RAB30: variants seen among roughly 807,000 people sequenced by gnomAD.
RAB30 encodes RAB30, member RAS oncogene family, also known as ras-related protein Rab-30.
In RAB30, 9 loss-of-function variants were observed where a neutral mutation model predicts 25.1. The ratio of observed to expected loss-of-function variants is 0.36; its 90% CI spans 0.22 to 0.63. The LOEUF (loss-of-function observed/expected upper bound fraction) is 0.63. Among genes scored for constraint, RAB30 ranks in the 20% least tolerant of loss-of-function variants. The pLI is 0.69. For synonymous variants in RAB30, 77 were observed against 86.4 expected (o/e 0.89, Z 0.60); for missense variants, 140 against 243.5 (o/e 0.58, Z 2.83).
At chr11:83,042,449 CG>C (rs1390129820) in intron 1 of RAB30, among the ~76,000 whole-genome samples, 3 of 150,056 alleles carry the variant, frequency 2.0e-5, no homozygotes, top group Non-Finnish European at 4.4e-5. Flanking sequence ...CCTAGCTACT[CG>C]GGAGGCTGAG....
At chr11:83,052,458 C>T (rs1402249429) in intron 1 of RAB30, among the ~76,000 whole-genome samples, 1 of 152,176 alleles carries the variant, frequency 6.6e-6, no homozygotes, top group Admixed American at 6.5e-5. Context: ...GAGACTTTTC[C>T]CCACTGCCAT....
At chr11:83,063,918 C>G (rs1389200475) in intron 1 of RAB30, among the ~76,000 whole-genome samples, 1 of 151,916 alleles carries the variant, frequency 6.6e-6, no homozygotes, top group African/African-American at 2.4e-5. Flanking sequence ...GGGGAAATGC[C>G]CAAAATATAT....
At chr11:83,010,312 G>T (rs541616551) in intron 1 of RAB30, among the ~76,000 whole-genome samples, 8 of 152,112 alleles carry the variant, frequency 5.3e-5, no homozygotes, top group Non-Finnish European at 1.2e-4. Context: ...TTAGCCAGGT[G>T]TGGTGTCATA....
chr11:83,044,296 T>G (rs1352751543), intron 1 of RAB30, among the ~76,000 whole-genome samples: 1 of 152,238 alleles, frequency 6.6e-6, no homozygotes, highest in East Asian at 1.9e-4. Flanking sequence ...AAAGCCTTCT[T>G]TATTTAATTT....
intron 4 of RAB30, among the ~76,000 whole-genome samples, chr11:82,984,423 T>C (rs1256617920): frequency 6.6e-6 from 1 of 152,186 alleles, no homozygotes; most frequent in Non-Finnish European, 1.5e-5. Context: ...GGTTGCGGAC[T>C]GGGTAGGAGG....
intron 1 of RAB30, among the ~76,000 whole-genome samples, chr11:83,047,176 C>T (rs894002786): frequency 4.6e-5 from 7 of 151,418 alleles, no homozygotes; most frequent in Non-Finnish European, 7.4e-5. Flanking sequence ...TAATAAATGC[C>T]CCCAGGGTGG....
chr11:83,005,474 T>A (rs1276963208), intron 1 of RAB30, among the ~76,000 whole-genome samples: 2 of 152,312 alleles, frequency 1.3e-5, no homozygotes, highest in African/African-American at 4.8e-5. Context: ...TCAGAGAGAT[T>A]AATTAGTTCA....
chr11:83,056,271 A>T (rs901960019), intron 1 of RAB30, among the ~76,000 whole-genome samples: 3 of 152,228 alleles, frequency 2.0e-5, no homozygotes, highest in African/African-American at 7.2e-5. Flanking sequence ...TTGAAATCAT[A>T]CAAAATGTGT....
At chr11:82,999,179 G>C (rs1052907188) in intron 1 of RAB30, among the ~76,000 whole-genome samples, 1 of 152,126 alleles carries the variant, frequency 6.6e-6, no homozygotes, top group Non-Finnish European at 1.5e-5. Flanking sequence ...ATTTCCATTT[G>C]TTTCTACAAG....
chr11:83,026,747 A>C (rs987542122), intron 1 of RAB30, among the ~76,000 whole-genome samples: 1 of 152,206 alleles, frequency 6.6e-6, no homozygotes, highest in Non-Finnish European at 1.5e-5. Flanking sequence ...TGTCACACTG[A>C]ACTACTGCAT....
At chr11:82,990,147 G>A (rs1430619221) in intron 3 of RAB30, among the ~76,000 whole-genome samples, 1 of 152,194 alleles carries the variant, frequency 6.6e-6, no homozygotes, top group Non-Finnish European at 1.5e-5. Context: ...CCTTCAGCAT[G>A]TGGCTACATT....
At chr11:83,054,248 T>A (rs1858412165) in intron 1 of RAB30, among the ~76,000 whole-genome samples, 1 of 152,212 alleles carries the variant, frequency 6.6e-6, no homozygotes, top group African/African-American at 2.4e-5. Context: ...AGTAGTTATC[T>A]CTATGTACAC....
chr11:83,068,066 G>A (rs1217602140), intron 1 of RAB30, among the ~76,000 whole-genome samples: 1 of 150,142 alleles, frequency 6.7e-6, no homozygotes, highest in Non-Finnish European at 1.5e-5. Flanking sequence ...GGAGGCTGCA[G>A]TGAGCTGTGA....
chr11:82,990,149 G>C (rs1434989963), intron 3 of RAB30, among the ~76,000 whole-genome samples: 1 of 152,174 alleles, frequency 6.6e-6, no homozygotes, highest in East Asian at 1.9e-4. Context: ...TTCAGCATGT[G>C]GCTACATTGT....
At chr11:83,051,745 A>T (rs1277441651) in intron 1 of RAB30, among the ~76,000 whole-genome samples, 1 of 152,116 alleles carries the variant, frequency 6.6e-6, no homozygotes, top group East Asian at 1.9e-4. Flanking sequence ...GCATGTATGA[A>T]GTTGTAATAG....
intron 1 of RAB30, among the ~76,000 whole-genome samples, chr11:83,048,685 T>C (rs1308621900): frequency 6.6e-6 from 1 of 152,192 alleles, no homozygotes; most frequent in Non-Finnish European, 1.5e-5. Context: ...TGGGGTTGTC[T>C]AGCCAATCAA....
chr11:82,990,756 G>GT (rs145672497), intron 3 of RAB30, among the ~76,000 whole-genome samples: 2,884 of 151,830 alleles, frequency 0.019, 85 homozygotes, highest in African/African-American at 0.065. Context: ...AAAGTTCTGT[G>GT]TTTTTTCCAT....
At chr11:82,989,705 AT>A (rs1856812258) in intron 3 of RAB30, among the ~76,000 whole-genome samples, 1 of 152,120 alleles carries the variant, frequency 6.6e-6, no homozygotes, top group Non-Finnish European at 1.5e-5. Flanking sequence ...TCACTGAAAT[AT>A]TTTCTAGAAC....
chr11:83,057,843 G>C (rs1858488287), intron 1 of RAB30, among the ~76,000 whole-genome samples: 3 of 152,200 alleles, frequency 2.0e-5, no homozygotes, highest in African/African-American at 7.2e-5. Flanking sequence ...TGTGGATTCA[G>C]AACAATACTG....
Sources: gnomAD v4.1 joint callset for allele counts (sites outside exome capture counted in the v4.1 genomes callset) on GRCh38, gnomAD v4.1.1 for gene constraint, MANE v1.5 for transcripts, NCBI Gene and HGNC (gene_info 2026-07-23, HGNC 2026-07-21) for gene names.